Variants in RUSF1 observed in about 807,000 individuals in gnomAD.
The protein encoded by RUSF1 is RUS family member 1, also known as RUS1 family protein C16orf58.
A neutral mutation model predicts 63.0 loss-of-function variants in RUSF1; 58 were observed. That is an observed-to-expected ratio of 0.92 (90% CI 0.75 to 1.15). The LOEUF is 1.15. Ranked by LOEUF, RUSF1 falls within the 50% of genes most tolerant of loss-of-function variation. The pLI is 0.00. For missense variants in RUSF1, 652 were observed against 611.0 expected, an observed-to-expected ratio of 1.07 and a Z score of -0.71; for synonymous variants, 274 against 255.8, an observed-to-expected ratio of 1.07 and a Z score of -0.68.
At chr16:31,502,647 G>A (rs1237744474) in intron 2 of RUSF1, among the ~76,000 whole-genome samples, 2 of 152,216 alleles carry the variant, frequency 1.3e-5, no homozygotes, top group African/African-American at 4.8e-5. Context: ...CATCTGGCCT[G>A]CTTTGTTTCT....
intron 2 of RUSF1, among the ~76,000 whole-genome samples, chr16:31,503,025 T>G (rs1410649611): frequency 6.6e-6 from 1 of 152,266 alleles, no homozygotes; most frequent in East Asian, 1.9e-4. Flanking sequence ...CTATTCTACC[T>G]TTCCATGGAT....
In RUSF1 at chr16:31,492,875, C is replaced by T; in HGVS notation, c.1087+103G>A. ...GAACGGTCTAGAGCAACCCCCAGAA[C>T]AGGCAGCCTCCAAACTGCCCAGAGC... On this transcript the variant is annotated intron_variant, in intron 10 of 12. Coordinates refer to ENST00000327237, the MANE Select transcript of RUSF1 (RefSeq NM_022744.4). The T allele has an allele frequency of 3.5e-6, 4 of 1,157,142 alleles. No individual in the cohort carries two copies. The South Asian group carries it at 6.1e-5, about 18-fold the overall frequency. 71.7% of individuals were successfully genotyped at this position (1,157,142 alleles called of 1,614,324 possible).
chr16:31,505,026 C>T (rs140684848), intron 2 of RUSF1, among the ~76,000 whole-genome samples: 1,834 of 152,298 alleles, frequency 0.012, 42 homozygotes, highest in African/African-American at 0.042. Flanking sequence ...AGCCTGGATA[C>T]TGTCCAAGGC....
intron 2 of RUSF1, among the ~76,000 whole-genome samples, chr16:31,503,720 T>C (rs1025549639): frequency 2.6e-5 from 4 of 152,202 alleles, no homozygotes; most frequent in African/African-American, 9.6e-5. Flanking sequence ...TGGAGTGCAA[T>C]GGCGCAATCT....
chr16:31,499,880 C>T (rs2142654525), intron 3 of RUSF1, among the ~76,000 whole-genome samples: 1 of 152,176 alleles, frequency 6.6e-6, no homozygotes, highest in Non-Finnish European at 1.5e-5. Flanking sequence ...AGTGAGGGTA[C>T]CCAGTGAGCA....
chr16:31,491,534 C>A (rs777212725), intron 12 of RUSF1, among the ~76,000 whole-genome samples: 12 of 150,440 alleles, frequency 8.0e-5, no homozygotes, highest in Non-Finnish European at 1.6e-4. Flanking sequence ...CCAGGCTGGC[C>A]TTGAACTCCT....
rs184367787 is a variant in RUSF1, at chr16:31,490,583, G to A, written c.*252C>T. 2.9e-4 allele frequency: 431 copies of A among 1,483,728 alleles called. 2 individuals are homozygous for A. In the African/African-American group the frequency reaches 5.4e-3, roughly 19 times the overall value. 91.9% of individuals were successfully genotyped at this position (1,483,728 alleles called of 1,614,324 possible). On this transcript the variant is annotated 3_prime_UTR_variant, in exon 13 of 13. Transcript: ENST00000327237. ...AAGCCACAGCCTCACAGGAAGTGGGGGTGAGGAGCCTGCGGTGCTCCCCAG... is the reference window on the plus strand; with the variant it reads ...AAGCCACAGCCTCACAGGAAGTGGGAGTGAGGAGCCTGCGGTGCTCCCCAG...
chr16:31,490,770 C>T lies in RUSF1; in HGVS notation c.*65G>A. The T allele has an allele frequency of 6.4e-7, 1 of 1,559,410 alleles. No homozygotes were observed. The highest frequency in any genetic ancestry group is 8.8e-7 in the Non-Finnish European group (1 of 1,131,312). On this transcript the variant is annotated 3_prime_UTR_variant, in exon 13 of 13. Transcript: ENST00000327237. ...AAAATAAAGCTGCCTTTCCCCTGTC[C>T]TGCTGTGGCCAAAGTGTCCTTGCTC...
chr16:31,498,495 T>C (rs11865835), intron 5 of RUSF1, among the ~76,000 whole-genome samples: 54,215 of 152,014 alleles, frequency 0.36, 11,423 homozygotes, highest in African/African-American at 0.59. Context: ...AGTTGACACA[T>C]GGGCCTTGGA....
Position 31,499,497 on chromosome 16 carries a change from A to G in RUSF1, c.490T>C (p.Trp164Arg). ...GSKLDCNAKQ[W>R]RLFADILNDV... Reference sequence around the variant, plus strand: ...CCCGTCCCCGCCCCTCCTCACCTCCACTGCTTGGCATTGCAGTCCAGTTTG... The same window carrying G: ...CCCGTCCCCGCCCCTCCTCACCTCCGCTGCTTGGCATTGCAGTCCAGTTTG... The change falls in exon 4 of 13, where the codon TGG (tryptophan) becomes CGG (arginine). Residue 164 changes from tryptophan to arginine, a missense_variant. By Grantham distance (101) the Trp-to-Arg change is moderately radical. Coordinates refer to ENST00000327237, the MANE Select transcript of RUSF1 (RefSeq NM_022744.4). The G allele has an allele frequency of 1.3e-6, 2 of 1,592,118 alleles. No individual in the cohort carries two copies. The highest frequency in any genetic ancestry group is 1.7e-6 in the Non-Finnish European group (2 of 1,168,948).
In RUSF1 at chr16:31,490,630, G is replaced by T; in HGVS notation, c.*205C>A. 8.4e-7 allele frequency: 1 copy of T among 1,190,116 alleles called. No individual in the cohort carries two copies. The highest frequency in any genetic ancestry group is 1.2e-6 in the Non-Finnish European group (1 of 819,624). The allele number at this position is 1,190,116 out of a possible 1,614,324, so 73.7% of individuals were successfully genotyped here. On this transcript the variant is annotated 3_prime_UTR_variant, in exon 13 of 13. Coordinates refer to ENST00000327237, the MANE Select transcript of RUSF1 (RefSeq NM_022744.4). ...CCAGAAAAGGGGAAGGGGCAGTGGG[G>T]TGAGAAGGTCCTGGCTCCCCTTCTC... is the stretch of plus-strand genomic sequence containing the variant.
intron 2 of RUSF1, among the ~76,000 whole-genome samples, chr16:31,504,709 G>A (rs965042139): frequency 1.3e-5 from 2 of 152,220 alleles, no homozygotes; most frequent in Non-Finnish European, 2.9e-5. Flanking sequence ...GTAGGGAAAA[G>A]AAAGAGATCA....
chr16:31,493,995 C>T, intron 6 of RUSF1, 59 bp from the exon 7 acceptor site: 1 of 1,556,092 alleles, frequency 6.4e-7, no homozygotes, highest in Non-Finnish European at 8.8e-7. Flanking sequence ...AGACTGAGTG[C>T]CCGAGTGCCT....
chr16:31,504,655 C>T (rs540721079), intron 2 of RUSF1, among the ~76,000 whole-genome samples: 1 of 152,300 alleles, frequency 6.6e-6, no homozygotes, highest in East Asian at 1.9e-4. Context: ...GACACGATGC[C>T]ACCAGTAGAA....
intron 3 of RUSF1, 49 bp downstream of exon 3, chr16:31,500,637 C>G: frequency 6.3e-7 from 1 of 1,580,500 alleles, no homozygotes; most frequent in Non-Finnish European, 8.7e-7. Context: ...TCATTACTAC[C>G]ACTACTGGGA....
rs750724253 is a variant in RUSF1 at position 31,493,643 on chromosome 16, G to A, written c.918C>T (p.Leu306=). ...LKHYLQRGEV[L]DPTAANRMEP... ...CCATGCGATTGGCTGCAGTTGGGTC[G>A]AGTACCTCTCCCCTCTGAAGGTAGT... Residue 306 remains leucine, a synonymous_variant, in exon 8 of 13, where the codon CTC becomes CTT. Transcript: ENST00000327237. 1.2e-5 allele frequency: 19 copies of A among 1,614,094 alleles called. No individual in the cohort carries two copies. Among genetic ancestry groups the A allele is most frequent in the African/African-American group, 2.7e-5 (2 of 74,948 alleles).
Position 31,490,485 on chromosome 16 carries a change from G to C in RUSF1, c.*350C>G, listed in dbSNP as rs1377101281. ...CTGGGCCCGTGTGGTCAACCTCAAT[G>C]CCCTGCTCATGATGGCAGTGGCCGT... On this transcript the variant is annotated 3_prime_UTR_variant, in exon 13 of 13. Transcript: ENST00000327237. 1 of 1,613,978 alleles carries C rather than the reference G, an allele frequency of 6.2e-7. No individual in the cohort carries two copies. The highest frequency in any genetic ancestry group is 2.2e-5 in the East Asian group (1 of 44,872).
At position 31,490,573 on chromosome 16, in the gene RUSF1, AG is replaced by A. The variant is rs2082557529; in HGVS notation, c.*261del. 6.5e-7 allele frequency: 1 copy of A among 1,536,016 alleles called. No homozygotes were observed. Among genetic ancestry groups the A allele is most frequent in the Non-Finnish European group, 8.9e-7 (1 of 1,120,006 alleles). ...TGGACACCATAAGCCACAGCCTCACAGGAAGTGGGGGTGAGGAGCCTGCGGT... is the reference window on the plus strand; with the variant it reads ...TGGACACCATAAGCCACAGCCTCACAGAAGTGGGGGTGAGGAGCCTGCGGT... On this transcript the variant is annotated 3_prime_UTR_variant, in exon 13 of 13. Transcript: ENST00000327237.
In RUSF1 at chr16:31,490,007, G is replaced by C. The variant is rs2082547201; in HGVS notation, c.*828C>G. ...TGGGTGTGTAGACTGGACAGAGGTG[G>C]GTAGGGCAGGCAGTGACGAGCTGGT... On this transcript the variant is annotated 3_prime_UTR_variant, in exon 13 of 13. Coordinates refer to ENST00000327237, the MANE Select transcript of RUSF1 (RefSeq NM_022744.4). 6 of 1,519,808 alleles carry C rather than the reference G, an allele frequency of 3.9e-6. No homozygotes were observed. The South Asian group carries it at 7.0e-5, about 18-fold the overall frequency. 94.1% of individuals were successfully genotyped at this position (1,519,808 alleles called of 1,614,324 possible).
Sources: allele counts gnomAD v4.1 joint callset (sites outside exome capture counted in the v4.1 genomes callset), GRCh38; gene constraint gnomAD v4.1.1; transcripts MANE v1.5; gene names NCBI Gene and HGNC (gene_info 2026-07-23, HGNC 2026-07-21).